The following CSMD1 variants were observed in gnomAD, a reference collection of about 807,000 sequenced individuals.
The protein encoded by CSMD1 is CUB and sushi domain-containing protein 1.
A neutral mutation model predicts 417.5 loss-of-function variants in CSMD1; 213 were observed. The observed-to-expected ratio is 0.51, with a 90% CI of 0.46 to 0.57. The LOEUF is 0.57. CSMD1 is among the 20% of genes least tolerant of loss of function. The pLI is 0.00. For synonymous variants in CSMD1, 2,862 were observed against 1,736.8 expected (o/e 1.65, Z -16.11); for missense variants, 6,923 against 4,529.7 (o/e 1.53, Z -15.17).
chr8:4,071,063 C>G (rs1159692525), intron 3 of CSMD1, among the ~76,000 whole-genome samples: 1 of 152,044 alleles, frequency 6.6e-6, no homozygotes, highest in East Asian at 1.9e-4. Context: ...CTGTGGTGTA[C>G]ATGGTTATGG....
At chr8:4,551,148 T>G (rs1242170669) in intron 2 of CSMD1, among the ~76,000 whole-genome samples, 1 of 152,344 alleles carries the variant, frequency 6.6e-6, no homozygotes, top group East Asian at 1.9e-4. Context: ...AACATCTATG[T>G]GGAGATCCTG....
chr8:3,965,265 C>A (rs1812593405), intron 5 of CSMD1, among the ~76,000 whole-genome samples: 1 of 152,164 alleles, frequency 6.6e-6, no homozygotes, highest in Non-Finnish European at 1.5e-5. Context: ...TTGGTCTCCT[C>A]CCTTAAACAG....
chr8:4,927,222 A>T (rs1045326820), intron 1 of CSMD1, among the ~76,000 whole-genome samples: 2 of 150,514 alleles, frequency 1.3e-5, no homozygotes, highest in Non-Finnish European at 3.0e-5. Context: ...TTTTTGGCTA[A>T]TTTTTTTTTA....
intron 3 of CSMD1, among the ~76,000 whole-genome samples, chr8:4,327,368 A>C (rs956513561): frequency 1.3e-5 from 2 of 152,180 alleles, no homozygotes; most frequent in African/African-American, 2.4e-5. Flanking sequence ...AGAAAGGTTA[A>C]TGAAAATGGG....
rs540142262 is a variant in CSMD1, at chr8:4,188,865, G to C, written c.416-156766C>G. 1.3e-3 allele frequency among the ~76,000 whole-genome samples: 202 copies of C among 152,046 alleles called. 2 individuals carry two copies. The highest frequency in any genetic ancestry group is 4.6e-3 in the African/African-American group (191 of 41,496). On this transcript the variant is annotated intron_variant, in intron 3 of 69. Coordinates refer to ENST00000635120, the MANE Select transcript of CSMD1 (RefSeq NM_033225.6). ...AAAAAAACGAAATGTTTCTGCATTT[G>C]TTATTGGGTCTATGGATCTGCCTGA...
intron 26 of CSMD1, among the ~76,000 whole-genome samples, chr8:3,240,830 G>T (rs1333838165): frequency 6.6e-6 from 1 of 152,110 alleles, no homozygotes; most frequent in Non-Finnish European, 1.5e-5. Context: ...AACCTGTAAG[G>T]CTTGTCTGGT....
chr8:3,740,127 T>C (rs1010176434), intron 6 of CSMD1, among the ~76,000 whole-genome samples: 4 of 152,150 alleles, frequency 2.6e-5, no homozygotes, highest in Non-Finnish European at 5.9e-5. Flanking sequence ...CTTTTTGAGA[T>C]GGAGTTTCAC....
intron 3 of CSMD1, among the ~76,000 whole-genome samples, chr8:4,326,076 A>G (rs1041640538): frequency 1.3e-5 from 2 of 152,194 alleles, no homozygotes; most frequent in African/African-American, 4.8e-5. Context: ...AGCATTCATC[A>G]GCATTACCAG....
At chr8:4,957,594 G>C (rs565790525) in intron 1 of CSMD1, among the ~76,000 whole-genome samples, 1 of 152,024 alleles carries the variant, frequency 6.6e-6, no homozygotes, top group Non-Finnish European at 1.5e-5. Flanking sequence ...TCTTGTGAAA[G>C]ATCCTCATAT....
At chr8:3,693,991 GTGTGTGTGT>G (rs1309890644) in intron 7 of CSMD1, among the ~76,000 whole-genome samples, 4 of 151,428 alleles carry the variant, frequency 2.6e-5, no homozygotes, top group Admixed American at 1.3e-4. Context: ...TGTTGTTAGT[GTGTGTGTGT>G]TGTGTGTGTT....
In CSMD1 at chr8:3,178,341, G is replaced by A. The variant is rs527483283; in HGVS notation, c.5725+2769C>T. ...AAGTAGATGTAGATAAGCCTTAATG[G>A]CCCAGGTTTTAGAACCAGGCATACT... On this transcript the variant is annotated intron_variant, in intron 37 of 69. Coordinates refer to ENST00000635120, the MANE Select transcript of CSMD1 (RefSeq NM_033225.6). Among the ~76,000 whole-genome samples the A allele has an allele frequency of 3.3e-5, 5 of 151,750 alleles. No individual in the cohort carries two copies. The East Asian group carries it at 9.7e-4, about 29-fold the overall frequency.
chr8:4,225,275 A>C (rs552760245), intron 3 of CSMD1, among the ~76,000 whole-genome samples: 1 of 152,184 alleles, frequency 6.6e-6, no homozygotes, highest in Non-Finnish European at 1.5e-5. Context: ...AATAGAAAAA[A>C]ATATTATTTA....
chr8:3,073,853 A>C (rs1813468093), intron 49 of CSMD1, among the ~76,000 whole-genome samples: 1 of 152,158 alleles, frequency 6.6e-6, no homozygotes, highest in East Asian at 1.9e-4. Flanking sequence ...GGAAACAATG[A>C]GTGATTTTTT....
intron 25 of CSMD1, among the ~76,000 whole-genome samples, chr8:3,307,217 A>T (rs998814932): frequency 6.6e-6 from 1 of 152,028 alleles, no homozygotes; most frequent in African/African-American, 2.4e-5. Context: ...CAAGTTGGAA[A>T]TTTGTTCATC....
intron 7 of CSMD1, among the ~76,000 whole-genome samples, chr8:3,660,442 T>G (rs997628264): frequency 6.7e-6 from 1 of 149,586 alleles, no homozygotes; most frequent in Admixed American, 6.7e-5. Context: ...AACACAGGAG[T>G]AAGAATTTAT....
intron 4 of CSMD1, among the ~76,000 whole-genome samples, chr8:4,006,330 G>C (rs1251011719): frequency 6.6e-6 from 1 of 152,196 alleles, no homozygotes; most frequent in African/African-American, 2.4e-5. Context: ...GATCACCTGA[G>C]GTCAGCAGTT....
intron 3 of CSMD1, among the ~76,000 whole-genome samples, chr8:4,082,940 G>T (rs1800218902): frequency 1.3e-5 from 2 of 151,834 alleles, no homozygotes; most frequent in Admixed American, 6.6e-5. Flanking sequence ...CAAAGGACAT[G>T]AACTCACCAT....
intron 5 of CSMD1, among the ~76,000 whole-genome samples, chr8:3,794,120 C>A (rs1173940556): frequency 1.3e-5 from 2 of 152,098 alleles, no homozygotes; most frequent in African/African-American, 4.8e-5. Flanking sequence ...ACACACCCTG[C>A]CTAATGAACC....
chr8:4,263,838 G>A (rs144993968), intron 3 of CSMD1, among the ~76,000 whole-genome samples: 248 of 152,206 alleles, frequency 1.6e-3, no homozygotes, highest in African/African-American at 5.7e-3. Flanking sequence ...ATTTTTGATA[G>A]CACTCAAAAA....
Sources: allele counts gnomAD v4.1 joint callset (sites outside exome capture counted in the v4.1 genomes callset), GRCh38; gene constraint gnomAD v4.1.1; transcripts MANE v1.5; gene names NCBI Gene and HGNC (gene_info 2026-07-23, HGNC 2026-07-21).